Variants in SLC17A1 observed in about 807,000 individuals in gnomAD.
SLC17A1 encodes solute carrier family 17 member 1.
A neutral mutation model predicts 53.5 loss-of-function variants in SLC17A1; 51 were observed. The observed-to-expected ratio is 0.95, with a 90% CI of 0.76 to 1.20. The LOEUF is 1.20. Among genes scored for constraint, SLC17A1 ranks in the 50% most tolerant of loss-of-function variants. The pLI, the probability that SLC17A1 is intolerant of heterozygous loss-of-function variation, is 0.00. For missense variants in SLC17A1, 538 were observed against 568.2 expected, an observed-to-expected ratio of 0.95 and a Z score of 0.54; for synonymous variants, 179 against 198.8, an observed-to-expected ratio of 0.90 and a Z score of 0.84.
chr6:25,796,349 C>A (rs1291721298), intron 12 of SLC17A1, among the ~76,000 whole-genome samples: 1 of 151,990 alleles, frequency 6.6e-6, no homozygotes, highest in Non-Finnish European at 1.5e-5. Context: ...TGCATCTTGG[C>A]AAATTTTTGT....
chr6:25,732,757 G>T, the SLC17A1 span: 3 of 1,070,100 alleles, frequency 2.8e-6, no homozygotes, highest in Admixed American at 1.8e-5. Context: ...GTGACGTTTT[G>T]CCCAACATCC....
chr6:25,817,556 A>T (rs1764401517), intron 6 of SLC17A1, among the ~76,000 whole-genome samples: 1 of 151,192 alleles, frequency 6.6e-6, no homozygotes, highest in Non-Finnish European at 1.5e-5. Context: ...TTTGAGTTTC[A>T]TGAAACCACC....
chr6:25,741,996 C>T, the SLC17A1 span, among the ~76,000 whole-genome samples: 41,320 of 152,034 alleles, frequency 0.27, 6,826 homozygotes, highest in East Asian at 0.7. Context: ...ACCAGAGGGC[C>T]ACAGCTGGGT....
At chr6:25,771,627 C>A in the SLC17A1 span, among the ~76,000 whole-genome samples, 1 of 151,934 alleles carries the variant, frequency 6.6e-6, no homozygotes, top group Non-Finnish European at 1.5e-5. Context: ...TTTAGTCATG[C>A]TTTTTAATTT....
intron 11 of SLC17A1, among the ~76,000 whole-genome samples, chr6:25,799,291 T>C (rs1763683037): frequency 6.6e-6 from 1 of 152,184 alleles, no homozygotes; most frequent in Non-Finnish European, 1.5e-5. Flanking sequence ...TGTCTTCATA[T>C]TTTAATTGGC....
intron 2 of SLC17A1, among the ~76,000 whole-genome samples, chr6:25,829,884 T>A (rs1684174771): frequency 6.6e-6 from 1 of 152,132 alleles, no homozygotes; most frequent in Admixed American, 6.6e-5. Flanking sequence ...AACATATATA[T>A]ATAAACTTTG....
chr6:25,749,548 T>C, the SLC17A1 span, among the ~76,000 whole-genome samples: 1 of 152,246 alleles, frequency 6.6e-6, no homozygotes, highest in Non-Finnish European at 1.5e-5. Flanking sequence ...GATATCAAAT[T>C]AGACACTGCT....
At chr6:25,729,974 T>C in the SLC17A1 span, among the ~76,000 whole-genome samples, 1 of 152,188 alleles carries the variant, frequency 6.6e-6, no homozygotes, top group African/African-American at 2.4e-5. Flanking sequence ...TTAATACTAT[T>C]AATAAAACAA....
the SLC17A1 span, among the ~76,000 whole-genome samples, chr6:25,748,852 A>C: frequency 6.6e-6 from 1 of 152,256 alleles, no homozygotes; most frequent in Non-Finnish European, 1.5e-5. Flanking sequence ...ATCTCAGTGG[A>C]GTAAAGAATA....
the SLC17A1 span, among the ~76,000 whole-genome samples, chr6:25,756,923 T>C: frequency 1.7e-4 from 26 of 152,336 alleles, 2 homozygotes; most frequent in East Asian, 2.3e-3. Context: ...GTGACTGATA[T>C]GATTTTTTCA....
At chr6:25,800,232 C>A (rs893924258) in intron 11 of SLC17A1, among the ~76,000 whole-genome samples, 9 of 151,796 alleles carry the variant, frequency 5.9e-5, no homozygotes, top group Non-Finnish European at 2.9e-5. Context: ...TTATCTTCTG[C>A]TTGTTCATTA....
the SLC17A1 span, chr6:25,726,075 A>G: frequency 1.4e-6 from 2 of 1,455,396 alleles, no homozygotes; most frequent in Non-Finnish European, 1.8e-6. Context: ...GGTGGCTCTG[A>G]AAAGAGCCTT....
chr6:25,757,295 C>T, the SLC17A1 span, among the ~76,000 whole-genome samples: 1 of 152,070 alleles, frequency 6.6e-6, no homozygotes, highest in Non-Finnish European at 1.5e-5. Context: ...AATAGTCCTT[C>T]ACAGAGAGCA....
chr6:25,822,958 C>A (rs1292715315), intron 3 of SLC17A1, among the ~76,000 whole-genome samples: 1 of 151,750 alleles, frequency 6.6e-6, no homozygotes, highest in Admixed American at 6.6e-5. Flanking sequence ...TTTGTAATTC[C>A]TCCCTCCTGC....
At chr6:25,773,771 G>A in the SLC17A1 span, 63 of 1,343,800 alleles carry the variant, frequency 4.7e-5, no homozygotes, top group East Asian at 9.6e-4. Context: ...TCACAAAATC[G>A]GGGGATTAGG....
At chr6:25,789,309 T>C (rs1284024861) in intron 12 of SLC17A1, among the ~76,000 whole-genome samples, 1 of 152,136 alleles carries the variant, frequency 6.6e-6, no homozygotes, top group African/African-American at 2.4e-5. Flanking sequence ...AAAATAGTAA[T>C]ATATTATAAA....
chr6:25,776,257 G>T, the SLC17A1 span, among the ~76,000 whole-genome samples: 1 of 151,962 alleles, frequency 6.6e-6, no homozygotes, highest in Non-Finnish European at 1.5e-5. Context: ...CTTTTAACAT[G>T]TTTAGGAGCC....
chr6:25,807,396 G>A (rs1003122106), intron 10 of SLC17A1, among the ~76,000 whole-genome samples: 33 of 152,144 alleles, frequency 2.2e-4, no homozygotes, highest in African/African-American at 7.5e-4. Flanking sequence ...TAACTTGGAT[G>A]AAGCGGGAGA....
chr6:25,737,379 A>G, the SLC17A1 span, among the ~76,000 whole-genome samples: 4 of 151,974 alleles, frequency 2.6e-5, no homozygotes, highest in South Asian at 2.1e-4. Context: ...CCCTATCCCT[A>G]TGATTGCTTT....
Sources: gnomAD v4.1 joint callset for allele counts (sites outside exome capture counted in the v4.1 genomes callset) on GRCh38, gnomAD v4.1.1 for gene constraint, MANE v1.5 for transcripts, NCBI Gene and HGNC (gene_info 2026-07-23, HGNC 2026-07-21) for gene names.